The following CHD4 variants were observed in gnomAD, a reference collection of about 807,000 sequenced individuals.
CHD4 encodes the protein chromodomain helicase DNA binding protein 4.
CHD4 carries 35 observed loss-of-function variants against 235.5 expected under a neutral mutation model. The observed-to-expected ratio is 0.15, with a 90% CI of 0.11 to 0.20. The LOEUF is 0.20. CHD4 is among the 10% of genes least tolerant of loss of function. The probability of loss-of-function intolerance (pLI) is 1.00; values close to 1 mark genes in which losing one functional copy is unlikely to be tolerated. For synonymous variants in CHD4, 900 were observed against 850.2 expected (o/e 1.06, Z -1.02); for missense variants, 1,329 against 2,432.3 (o/e 0.55, Z 9.54).
intron 38 of CHD4, chr12:6,571,546 C>A: frequency 6.5e-6 from 1 of 154,756 alleles, no homozygotes; most frequent in Non-Finnish European, 1.4e-5. Flanking sequence ...AAAGAGGTGG[C>A]CGGGTGCAGT....
chr12:6,593,710 C>G lies in CHD4; in HGVS notation c.2314-94G>C. On this transcript the variant is annotated intron_variant, in intron 15 of 39. Transcript: ENST00000544040. The surrounding 1 kb of genome is among the most constrained non-coding windows in gnomAD (Gnocchi z 4.9). ...ACCCTGCTGCCCCCTCAAGCTGAGC[C>G]AAGGACTGACACACCTGCGCTGCTG... is the stretch of plus-strand genomic sequence containing the variant. The G allele has an allele frequency of 1.8e-6, 2 of 1,083,472 alleles. No homozygotes were observed. Among genetic ancestry groups the G allele is most frequent in the Non-Finnish European group, 2.7e-6 (2 of 733,396 alleles). 67.1% of individuals were successfully genotyped at this position (1,083,472 alleles called of 1,614,324 possible). A position where few individuals can be genotyped will look rare whatever the true frequency, so the allele number is the denominator to read the frequency against.
chr12:6,599,546 T>G (rs1948554518), intron 10 of CHD4, among the ~76,000 whole-genome samples: 1 of 152,170 alleles, frequency 6.6e-6, no homozygotes, highest in Non-Finnish European at 1.5e-5. Context: ...AGAAGAACAT[T>G]GCTTCATCTC....
intron 13 of CHD4, 91 bp downstream of exon 13, chr12:6,595,907 AAGATCACG>A: frequency 7.3e-7 from 1 of 1,369,108 alleles, no homozygotes; most frequent in South Asian, 1.5e-5. Flanking sequence ...GCAGTGAGTC[AAGATCACG>A]CCACTGCACT....
rs746895158 is a variant in CHD4 at position 6,591,488 on chromosome 12, T to C, written c.3318A>G (p.Gln1106=). ...CACCATTGAAGCGGTCAATGGCCTC[T>C]TGCCGCATGTTCCCAGTGATTCCAC... The part of the protein sequence containing the change: ...IDGGITGNMR[Q]EAIDRFNAPG... Residue 1106 remains glutamine (Q), a synonymous_variant, in exon 22 of 40, where the codon CAA becomes CAG. Coordinates refer to ENST00000544040, the MANE Select transcript of CHD4 (RefSeq NM_001273.5). 12 of 1,614,202 alleles carry C rather than the reference T, an allele frequency of 7.4e-6. No homozygotes were observed. The highest frequency in any genetic ancestry group is 5.0e-5 in the Admixed American group (3 of 60,028).
chr12:6,601,263 C>G, intron 6 of CHD4, 26 bp downstream of exon 6: 1 of 1,609,126 alleles, frequency 6.2e-7, no homozygotes, highest in Non-Finnish European at 8.5e-7. Flanking sequence ...CTAGACACCC[C>G]CACTCCCATT....
intron 22 of CHD4, among the ~76,000 whole-genome samples, chr12:6,588,691 C>T (rs956170206): frequency 8.0e-5 from 12 of 150,648 alleles, no homozygotes; most frequent in Admixed American, 5.9e-4. Flanking sequence ...GGCAGGAGAA[C>T]CGCTTGAACC....
In CHD4 at chr12:6,581,286, C is replaced by G; in HGVS notation, c.4779+5G>C. On this transcript the variant is annotated splice_donor_5th_base_variant and intron_variant, in intron 32 of 39. Transcript: ENST00000544040. ...AGTATGGCATTCAGTCACCCCATCT[C>G]TTACCTCAATGGCAGTCTCAGGGGC... is the stretch of plus-strand genomic sequence containing the variant. 1 of 1,614,176 alleles carries G rather than the reference C, an allele frequency of 6.2e-7. No individual in the cohort carries two copies. The highest frequency in any genetic ancestry group is 8.5e-7 in the Non-Finnish European group (1 of 1,179,990).
At chr12:6,579,062 C>G in intron 33 of CHD4, 145 bp from the exon 34 acceptor site, 1 of 682,312 alleles carries the variant, frequency 1.5e-6, no homozygotes, top group Non-Finnish European at 2.5e-6. Context: ...TGCCTGTAAT[C>G]CCAGCATCTT....
At position 6,595,181 on chromosome 12, in the gene CHD4, G is replaced by C. The variant is rs141751837; in HGVS notation, c.2121+153C>G. On this transcript the variant is annotated intron_variant, in intron 14 of 39. Transcript: ENST00000544040. The stretch of plus-strand genomic sequence containing the variant: ...TAATCCTAGTGCTTTCTGATATATA[G>C]AGATGTGGAGAAGTGGGGAAGCCGA... Among the ~76,000 whole-genome samples, 7 of 151,494 alleles carry C rather than the reference G, an allele frequency of 4.6e-5. No homozygotes were observed. The East Asian group carries it at 1.4e-3, about 29-fold the overall frequency.
intron 25 of CHD4, 41 bp from the exon 26 acceptor site, chr12:6,583,419 C>G (rs1213169613): frequency 1.4e-5 from 21 of 1,534,356 alleles, no homozygotes; most frequent in Non-Finnish European, 1.9e-5. Flanking sequence ...GTGCTGAAGT[C>G]AGCACCACCA....
At position 6,595,904 on chromosome 12, in the gene CHD4, G is replaced by A. The variant is rs1478050651; in HGVS notation, c.2024+102C>T. 3.0e-6 allele frequency: 4 copies of A among 1,335,680 alleles called. No homozygotes were observed. The African/African-American group carries it at 6.0e-5, about 20-fold the overall frequency. 82.7% of individuals were successfully genotyped at this position (1,335,680 alleles called of 1,614,324 possible). A position where few individuals can be genotyped will look rare whatever the true frequency, so the allele number is the denominator to read the frequency against. On this transcript the variant is annotated intron_variant, in intron 13 of 39. Transcript: ENST00000544040. ...ACCAGGAAGTCGGAGGTTGCAGTGA[G>A]TCAAGATCACGCCACTGCACTACAG...
intron 2 of CHD4, among the ~76,000 whole-genome samples, chr12:6,604,395 G>T (rs892654513): frequency 6.6e-6 from 1 of 152,098 alleles, no homozygotes; most frequent in Non-Finnish European, 1.5e-5. Flanking sequence ...AGATACTAGG[G>T]AATGAGACAT....
At chr12:6,596,824 G>C (rs937890950) in intron 12 of CHD4, among the ~76,000 whole-genome samples, 1 of 151,496 alleles carries the variant, frequency 6.6e-6, no homozygotes, top group African/African-American at 2.4e-5. Flanking sequence ...GGCAGGCGTG[G>C]TGGCACACGC....
At chr12:6,604,727 G>A (rs182677214) in intron 2 of CHD4, among the ~76,000 whole-genome samples, 1 of 152,266 alleles carries the variant, frequency 6.6e-6, no homozygotes, top group East Asian at 1.9e-4. Flanking sequence ...CAAACTTACT[G>A]AGATATAGAG....
intron 38 of CHD4, among the ~76,000 whole-genome samples, chr12:6,572,655 C>T (rs1592256294): frequency 2.5e-5 from 2 of 79,610 alleles, no homozygotes; most frequent in African/African-American, 3.0e-4. Context: ...CTCCCGGGTT[C>T]CAAGCGATTC....
intron 23 of CHD4, among the ~76,000 whole-genome samples, 155 bp downstream of exon 23, chr12:6,588,143 C>G (rs147434366): frequency 2.7e-4 from 41 of 152,322 alleles, no homozygotes; most frequent in South Asian, 1.5e-3. Context: ...TCACAGCTAA[C>G]CAAACTCTGG....
At chr12:6,580,711 A>AAAAAAAAAAAAC (rs1948168003) in intron 33 of CHD4, 3 of 209,828 alleles carry the variant, frequency 1.4e-5, no homozygotes, top group African/African-American at 2.7e-5. Context: ...TTTGAAAAAA[A>AAAAAAAAAAAAC]AAAAAAAAAA....
At chr12:6,594,377 C>T in intron 15 of CHD4, 82 bp downstream of exon 15, 8 of 1,338,006 alleles carry the variant, frequency 6.0e-6, no homozygotes, top group East Asian at 4.7e-5. Flanking sequence ...TTTTTTATTC[C>T]CTTATCTCTC....
intron 17 of CHD4, 98 bp downstream of exon 17, chr12:6,592,992 TC>T: frequency 6.5e-7 from 1 of 1,542,246 alleles, no homozygotes; most frequent in South Asian, 1.2e-5. Flanking sequence ...GAGACAATTT[TC>T]CCCTCTCCTC....
Sources: gnomAD v4.1 joint callset for allele counts (sites outside exome capture counted in the v4.1 genomes callset) on GRCh38, gnomAD v4.1.1 for gene constraint, Gnocchi (gnomAD v3.1) non-coding constraint, MANE v1.5 for transcripts, NCBI Gene and HGNC (gene_info 2026-07-23, HGNC 2026-07-21) for gene names.